ADAMTS12: variants seen among roughly 807,000 people sequenced by gnomAD.
ADAMTS12 encodes ADAM metallopeptidase with thrombospondin type 1 motif 12.
Under a neutral mutation model 167.8 loss-of-function variants are expected in ADAMTS12, and 118 were observed. The ratio of observed to expected loss-of-function variants is 0.70; its 90% CI spans 0.61 to 0.82. ADAMTS12 has a LOEUF of 0.82. Ranked by LOEUF, ADAMTS12 falls within the 40% of genes least tolerant of loss-of-function variation. The pLI is 0.00. For synonymous variants in ADAMTS12, 704 were observed against 716.9 expected, an observed-to-expected ratio of 0.98 and a Z score of 0.29; for missense variants, 1,916 against 1,998.8, an observed-to-expected ratio of 0.96 and a Z score of 0.79.
intron 2 of ADAMTS12, among the ~76,000 whole-genome samples, chr5:33,866,746 C>A (rs954236629): frequency 1.5e-4 from 22 of 151,266 alleles, no homozygotes; most frequent in Non-Finnish European, 2.2e-4. Context: ...AAAAAATCAG[C>A]AAGAAAAAAA....
At chr5:33,616,199 C>A (rs1303171563) in intron 14 of ADAMTS12, 127 bp from the exon 15 acceptor site, 2 of 1,295,242 alleles carry the variant, frequency 1.5e-6, no homozygotes, top group African/African-American at 1.5e-5. Context: ...TGGGTGGCCA[C>A]TGGAATTGGC....
At chr5:33,886,003 CA>C (rs1750623566) in intron 1 of ADAMTS12, among the ~76,000 whole-genome samples, 1 of 152,148 alleles carries the variant, frequency 6.6e-6, no homozygotes, top group Non-Finnish European at 1.5e-5. Context: ...GTGGCGGAAG[CA>C]AACTTAATCT....
chr5:33,803,641 G>T (rs527461834), intron 2 of ADAMTS12, among the ~76,000 whole-genome samples: 1 of 152,204 alleles, frequency 6.6e-6, no homozygotes, highest in African/African-American at 2.4e-5. Context: ...CCCAAGACTG[G>T]GTAATTTATA....
chr5:33,649,050 G>A, intron 8 of ADAMTS12, 84 bp from the exon 9 acceptor site: 1 of 1,521,910 alleles, frequency 6.6e-7, no homozygotes, highest in Non-Finnish European at 8.9e-7. Context: ...ACTTCCCTCT[G>A]GTTTACTCTT....
intron 5 of ADAMTS12, among the ~76,000 whole-genome samples, chr5:33,681,769 G>C (rs1014756697): frequency 2.0e-5 from 3 of 152,178 alleles, no homozygotes; most frequent in African/African-American, 7.2e-5. Flanking sequence ...CCAGGAGAGA[G>C]ATGTTTCAGG....
intron 17 of ADAMTS12, among the ~76,000 whole-genome samples, chr5:33,592,020 A>T (rs931282317): frequency 1.2e-4 from 19 of 152,074 alleles, no homozygotes; most frequent in African/African-American, 4.6e-4. Flanking sequence ...CGGGAGTTCG[A>T]GACCAGCCTG....
chr5:33,584,650 C>G (rs542963422), intron 18 of ADAMTS12, among the ~76,000 whole-genome samples: 1 of 152,308 alleles, frequency 6.6e-6, no homozygotes, highest in African/African-American at 2.4e-5. Flanking sequence ...TAAGTGTTTG[C>G]ATGAATTATC....
At chr5:33,659,394 C>A (rs1307685630) in intron 6 of ADAMTS12, among the ~76,000 whole-genome samples, 1 of 152,136 alleles carries the variant, frequency 6.6e-6, no homozygotes, top group Non-Finnish European at 1.5e-5. Context: ...TGTAAGAGAA[C>A]CAATCAAACA....
At chr5:33,858,850 C>T (rs1183232934) in intron 2 of ADAMTS12, among the ~76,000 whole-genome samples, 2 of 151,782 alleles carry the variant, frequency 1.3e-5, no homozygotes. Flanking sequence ...TGAGTGCAGC[C>T]CACAGAAGGC....
chr5:33,801,199 C>T (rs1746994543), intron 2 of ADAMTS12, among the ~76,000 whole-genome samples: 1 of 152,134 alleles, frequency 6.6e-6, no homozygotes, highest in African/African-American at 2.4e-5. Flanking sequence ...GGACTTCTGG[C>T]CTCTAGAACT....
At chr5:33,681,285 C>T (rs372549871) in intron 5 of ADAMTS12, among the ~76,000 whole-genome samples, 6 of 152,168 alleles carry the variant, frequency 3.9e-5, no homozygotes, top group Non-Finnish European at 7.4e-5. Context: ...CACACACGAT[C>T]GTGGAGATTT....
rs1429709514 is a variant in ADAMTS12 at position 33,701,679 on chromosome 5, A to G, written c.635-17624T>C. Among the ~76,000 whole-genome samples, 6 of 152,340 alleles carry G rather than the reference A, an allele frequency of 3.9e-5. No homozygotes were observed. The East Asian group carries it at 1.2e-3, about 29-fold the overall frequency. On this transcript the variant is annotated intron_variant, in intron 3 of 23. Transcript: ENST00000504830. ...GGCAAAGGTATCTTGAGATTGCCAT[A>G]TAAAGTGAGAAGAAACCCCACAGCC...
intron 2 of ADAMTS12, among the ~76,000 whole-genome samples, chr5:33,767,864 G>T (rs905917499): frequency 4.6e-5 from 7 of 151,938 alleles, no homozygotes; most frequent in Non-Finnish European, 7.4e-5. Flanking sequence ...AGGAAAAGAT[G>T]GAACAAGAGC....
intron 2 of ADAMTS12, among the ~76,000 whole-genome samples, chr5:33,752,707 T>C (rs1745031237): frequency 6.6e-6 from 1 of 152,220 alleles, no homozygotes; most frequent in East Asian, 1.9e-4. Context: ...CTTGGAAACA[T>C]GGGGGGCTTA....
chr5:33,627,825 G>T (rs908510192), intron 13 of ADAMTS12, among the ~76,000 whole-genome samples: 1 of 152,178 alleles, frequency 6.6e-6, no homozygotes, highest in African/African-American at 2.4e-5. Flanking sequence ...AAATGGCCTT[G>T]GAGATGAAAG....
At chr5:33,748,965 T>C (rs1744883597) in intron 3 of ADAMTS12, among the ~76,000 whole-genome samples, 1 of 152,226 alleles carries the variant, frequency 6.6e-6, no homozygotes, top group African/African-American at 2.4e-5. Flanking sequence ...CTCTAGCTAC[T>C]GTTTAAACAG....
chr5:33,552,278 A>G (rs1745281394), intron 20 of ADAMTS12, among the ~76,000 whole-genome samples: 1 of 152,246 alleles, frequency 6.6e-6, no homozygotes, highest in African/African-American at 2.4e-5. Flanking sequence ...TAACAAACAC[A>G]GGATTGGGGG....
intron 2 of ADAMTS12, among the ~76,000 whole-genome samples, chr5:33,805,697 G>C (rs927005270): frequency 2.2e-4 from 34 of 152,276 alleles, no homozygotes; most frequent in African/African-American, 8.2e-4. Context: ...ATGTATGTGT[G>C]ACAGGAGAAA....
Position 33,577,055 on chromosome 5 carries a change from A to T in ADAMTS12, c.2971T>A (p.Cys991Ser). The T allele has an allele frequency of 6.2e-7, 1 of 1,614,208 alleles. No homozygotes were observed. Among genetic ancestry groups the T allele is most frequent in the South Asian group, 1.1e-5 (1 of 91,082 alleles). Residue 991 changes from cysteine (C) to serine (S), a missense_variant, in exon 19 of 24, where the codon TGT becomes AGT. Physicochemically the swap from Cys to Ser is moderately radical, Grantham distance 112. Coordinates refer to ENST00000504830, the MANE Select transcript of ADAMTS12 (RefSeq NM_030955.4). ...VTRKPNSRAL[C>S]GLQQCPSSRR... ...CTAGAAGGGCATTGCTGGAGGCCAC[A>T]CAGAGCTCGGCTGTTGGGTTTCCTT... is the stretch of plus-strand genomic sequence containing the variant.
Sources: allele counts gnomAD v4.1 joint callset (sites outside exome capture counted in the v4.1 genomes callset), GRCh38; gene constraint gnomAD v4.1.1; transcripts MANE v1.5; gene names NCBI Gene and HGNC (gene_info 2026-07-23, HGNC 2026-07-21).